FCN1: variants seen among roughly 807,000 people sequenced by gnomAD.
FCN1 encodes the protein ficolin-1.
FCN1 carries 42 observed loss-of-function variants against 35.6 expected under a neutral mutation model. The observed-to-expected ratio is 1.18, with a 90% CI of 0.92 to 1.53. The LOEUF (loss-of-function observed/expected upper bound fraction) is 1.53. Among genes scored for constraint, FCN1 ranks in the 40% most tolerant of loss-of-function variants. The pLI is 0.00. For missense variants in FCN1, 439 were observed against 428.4 expected, an observed-to-expected ratio of 1.02 and a Z score of -0.22; for synonymous variants, 179 against 169.8, an observed-to-expected ratio of 1.05 and a Z score of -0.42.
chr9:134,906,626 G>A lies in FCN1; in HGVS notation c.*3172C>T, dbSNP rs747166396. ...AAATATGCCAATACCGTGTATAAAC[G>A]CACTAAGATTTCCATGTAATATTAC... On this transcript the variant is annotated 3_prime_UTR_variant, in exon 9 of 9. Coordinates refer to ENST00000371806, the MANE Select transcript of FCN1 (RefSeq NM_002003.5). 1.3e-5 allele frequency: 2 copies of A among 152,024 alleles called. No individual in the cohort carries two copies. The highest frequency in any genetic ancestry group is 2.4e-5 in the African/African-American group (1 of 41,356). The allele number at this position is 152,024 out of a possible 1,614,324, so 9.4% of individuals were successfully genotyped here.
At chr9:134,912,670 C>T (rs1831039247) in intron 6 of FCN1, 55 bp from the exon 7 acceptor site, 1 of 1,611,236 alleles carries the variant, frequency 6.2e-7, no homozygotes, top group African/African-American at 1.3e-5. Context: ...TCCCACAGCA[C>T]CGGGGACCCG....
In FCN1 at chr9:134,909,675, A is replaced by G. The variant is rs888376734; in HGVS notation, c.*123T>C. 6.3e-7 allele frequency: 1 copy of G among 1,594,868 alleles called. No individual in the cohort carries two copies. The highest frequency in any genetic ancestry group is 8.5e-7 in the Non-Finnish European group (1 of 1,177,510). On this transcript the variant is annotated 3_prime_UTR_variant, in exon 9 of 9. Transcript: ENST00000371806. ...TGGCGGCTTGACTGAGCTGGGGGCA[A>G]AGGGGCAGCTGTGGGCGTCATGGGA...
chr9:134,909,760 C>T lies in FCN1; in HGVS notation c.*38G>A. On this transcript the variant is annotated 3_prime_UTR_variant, in exon 9 of 9. Transcript: ENST00000371806. ...GACGCAGCGCTTGTGGGTGTGGCCT[C>T]CCCACTAGCAGGTGCATGTGGAGGG... 4 of 1,608,562 alleles carry T rather than the reference C, an allele frequency of 2.5e-6. No homozygotes were observed. Among genetic ancestry groups the T allele is most frequent in the South Asian group, 1.1e-5 (1 of 90,750 alleles).
intron 7 of FCN1, 106 bp downstream of exon 7, chr9:134,912,380 C>T (rs1212662622): frequency 1.7e-5 from 21 of 1,211,356 alleles, no homozygotes; most frequent in Non-Finnish European, 2.3e-5. Context: ...TGCTCAGGGC[C>T]CAATCCCCTG....
chr9:134,915,793 C>G (rs1183485578), intron 2 of FCN1, among the ~76,000 whole-genome samples: 1 of 152,150 alleles, frequency 6.6e-6, no homozygotes, highest in Non-Finnish European at 1.5e-5. Flanking sequence ...CTTAGGGGGA[C>G]CCAAAACCAC....
Position 134,905,555 on chromosome 9 carries a change from C to T in FCN1, c.*4243G>A, listed in dbSNP as rs1830932426. The stretch of plus-strand genomic sequence containing the variant: ...CTGGAGTGCAGTGGTGCGATCTCGG[C>T]TCACTTCAACCTCTGCCTCCTGGGT... On this transcript the variant is annotated 3_prime_UTR_variant, in exon 9 of 9. Transcript: ENST00000371806. 6.6e-6 allele frequency among the ~76,000 whole-genome samples: 1 copy of T among 152,038 alleles called. No homozygotes were observed. The highest frequency in any genetic ancestry group is 2.4e-5 in the African/African-American group (1 of 41,348).
rs1831109562 is a variant in FCN1, at chr9:134,917,784, C to A, written c.88G>T (p.Ala30Ser). The change falls in exon 1 of 9, where the codon GCG (alanine) becomes TCG (serine). Residue 30 changes from alanine to serine, a missense_variant. Physicochemically the swap from Ala to Ser is moderately conservative, Grantham distance 99. Transcript: ENST00000371806. ...LHIKNLPAQA[A>S]DTCPEVKVVG... ...TCTGTCTCACCTGGACATGTGTCCG[C>A]AGCCTGGGCAGGCAGGTTCTTGATA... The A allele has an allele frequency of 4.3e-6, 7 of 1,613,554 alleles. No individual in the cohort carries two copies. The highest frequency in any genetic ancestry group is 5.1e-6 in the Non-Finnish European group (6 of 1,179,528).
Position 134,905,027 on chromosome 9 carries a change from T to C in FCN1, c.*4771A>G, listed in dbSNP as rs80096356. Among the ~76,000 whole-genome samples the C allele has an allele frequency of 3.9e-3, 601 of 152,198 alleles. 24 individuals carry two copies. In the East Asian group the frequency reaches 0.1, roughly 27 times the overall value. On this transcript the variant is annotated 3_prime_UTR_variant, in exon 9 of 9. Coordinates refer to ENST00000371806, the MANE Select transcript of FCN1 (RefSeq NM_002003.5). ...CATAAAAAGCAGAAGGGAGTGAATG[T>C]AGTTAGAGGTGTTTCAAAGTCTTCA...
In FCN1 at chr9:134,905,026, GTAGT is replaced by G. The variant is rs1264650979; in HGVS notation, c.*4768_*4771del. 1.3e-5 allele frequency among the ~76,000 whole-genome samples: 2 copies of G among 152,148 alleles called. No individual in the cohort carries two copies. Among genetic ancestry groups the G allele is most frequent in the African/African-American group, 2.4e-5 (1 of 41,440 alleles). ...GCATAAAAAGCAGAAGGGAGTGAAT[GTAGT>G]TAGAGGTGTTTCAAAGTCTTCATTG... On this transcript the variant is annotated 3_prime_UTR_variant, in exon 9 of 9. Coordinates refer to ENST00000371806, the MANE Select transcript of FCN1 (RefSeq NM_002003.5).
rs1247158825 is a variant in FCN1 at position 134,909,927 on chromosome 9, A to G, written c.852T>C (p.His284=). ...FQGAWWYADC[H]ASNLNGLYLM... is the part of the protein sequence containing the mutation. ...GGTAGAGACCATTGAGGTTTGAAGC[A>G]TGACAGTCGGCGTACCACCAGGCTC... is the stretch of plus-strand genomic sequence containing the variant. Residue 284 remains histidine (H), a synonymous_variant, in exon 9 of 9, where the codon CAT becomes CAC. Transcript: ENST00000371806. 6 of 1,614,136 alleles carry G rather than the reference A, an allele frequency of 3.7e-6. No individual in the cohort carries two copies. The highest frequency in any genetic ancestry group is 3.3e-5 in the South Asian group (3 of 91,080).
In FCN1 at chr9:134,913,083, A is replaced by T. The variant is rs1443243433; in HGVS notation, c.401T>A (p.Ile134Asn). Residue 134 changes from isoleucine to asparagine, a missense_variant, in exon 6 of 9, where the codon ATC becomes AAC. Physicochemically the swap from Ile to Asn is moderately radical, Grantham distance 149. Transcript: ENST00000371806. ...RGYFLSGWHT[I>N]YLPDCRPLTV... ...CAGGGGCCGGCAGTCGGGCAGGTAGATGGTGTGCCAGCCGCTCAGGAAATA... is the reference window on the plus strand; with the variant it reads ...CAGGGGCCGGCAGTCGGGCAGGTAGTTGGTGTGCCAGCCGCTCAGGAAATA... 6.2e-7 allele frequency: 1 copy of T among 1,613,616 alleles called. No homozygotes were observed. Among genetic ancestry groups the T allele is most frequent in the African/African-American group, 1.3e-5 (1 of 74,930 alleles).
Position 134,905,085 on chromosome 9 carries a change from A to G in FCN1, c.*4713T>C, listed in dbSNP as rs966103966. Among the ~76,000 whole-genome samples the G allele has an allele frequency of 3.3e-5, 5 of 152,222 alleles. No individual in the cohort carries two copies. Among genetic ancestry groups the G allele is most frequent in the Non-Finnish European group, 7.3e-5 (5 of 68,046 alleles). ...AGTGGTAGAAGGAATAATTTATAGTATACCGTAAAAAATCAAGGCTATATA... is the reference window on the plus strand; with the variant it reads ...AGTGGTAGAAGGAATAATTTATAGTGTACCGTAAAAAATCAAGGCTATATA... On this transcript the variant is annotated 3_prime_UTR_variant, in exon 9 of 9. Transcript: ENST00000371806.
In FCN1 at chr9:134,912,655, C is replaced by G. The variant is rs200443672; in HGVS notation, c.469-40G>C. 36 of 1,613,450 alleles carry G rather than the reference C, an allele frequency of 2.2e-5. No individual in the cohort carries two copies. The South Asian group carries it at 3.5e-4, about 16-fold the overall frequency. On this transcript the variant is annotated intron_variant, in intron 6 of 8. Transcript: ENST00000371806. ...GGATACAGAGTTAGGCGGGGCAGGCCGAGGTCCCACAGCACCGGGGACCCG... is the reference window on the plus strand; with the variant it reads ...GGATACAGAGTTAGGCGGGGCAGGCGGAGGTCCCACAGCACCGGGGACCCG...
In FCN1 at chr9:134,912,485, C is replaced by T; in HGVS notation, c.598+1G>A. 1 of 1,613,718 alleles carries T rather than the reference C, an allele frequency of 6.2e-7. No homozygotes were observed. The highest frequency in any genetic ancestry group is 8.5e-7 in the Non-Finnish European group (1 of 1,179,758). On this transcript the variant is annotated splice_donor_variant, in intron 7 of 8. Coordinates refer to ENST00000371806, the MANE Select transcript of FCN1 (RefSeq NM_002003.5). LOFTEE classifies it high-confidence loss of function. ...CCCCTGAGCCACGGCAGTGGCCCTA[C>T]CCTGGGCAGTCAGGGCGTGGATGTT...
Position 134,916,388 on chromosome 9 carries a change from G to GGCCCCGGGCA in FCN1, c.167_176dup (p.Pro60AlafsTer91), listed in dbSNP as rs766927328. 2 of 1,614,048 alleles carry GGCCCCGGGCA rather than the reference G, an allele frequency of 1.2e-6. No individual in the cohort carries two copies. The highest frequency in any genetic ancestry group is 1.3e-5 in the African/African-American group (1 of 74,928). The stretch of plus-strand genomic sequence containing the variant: ...CACCTGCCTCTCCCTTTGGCCCTGG[G>GGCCCCGGGCA]GCCCCGGGCAGCCCCGGGCAGCCTC... On this transcript the variant is annotated frameshift_variant, in exon 2 of 9. Transcript: ENST00000371806. LOFTEE classifies it high-confidence loss of function.
rs780785904 is a variant in FCN1, at chr9:134,905,610, A to G, written c.*4188T>C. ...GCCATTCTCCTGCCTCAGCTTCTCG[A>G]GTAGCTGGGACGATAGGCATCCCCC... is the stretch of plus-strand genomic sequence containing the variant. On this transcript the variant is annotated 3_prime_UTR_variant, in exon 9 of 9. Coordinates refer to ENST00000371806, the MANE Select transcript of FCN1 (RefSeq NM_002003.5). Among the ~76,000 whole-genome samples, 12 of 151,650 alleles carry G rather than the reference A, an allele frequency of 7.9e-5. No individual in the cohort carries two copies. Among genetic ancestry groups the G allele is most frequent in the Non-Finnish European group, 1.8e-4 (12 of 67,926 alleles).
chr9:134,916,420 T>C lies in FCN1; in HGVS notation c.145A>G (p.Ile49Val), dbSNP rs986755548. The change falls in exon 2 of 9, where the codon ATT becomes GTT. Residue 49 changes from isoleucine (I) to valine (V), a missense_variant. By Grantham distance (29) the Ile-to-Val change is conservative (BLOSUM62 3). Coordinates refer to ENST00000371806, the MANE Select transcript of FCN1 (RefSeq NM_002003.5). ...VGLEGSDKLT[I>V]LRGCPGLPGA... ...GGCAGCCCCGGGCAGCCTCGGAGAATGGTGAGCTTGTCAGAGCCCTCCAGG... is the reference window on the plus strand; with the variant it reads ...GGCAGCCCCGGGCAGCCTCGGAGAACGGTGAGCTTGTCAGAGCCCTCCAGG... 2 of 1,614,214 alleles carry C rather than the reference T, an allele frequency of 1.2e-6. No homozygotes were observed. The highest frequency in any genetic ancestry group is 1.7e-5 in the Admixed American group (1 of 60,030).
At chr9:134,910,792 AT>A (rs2118934859) in intron 8 of FCN1, among the ~76,000 whole-genome samples, 1 of 152,324 alleles carries the variant, frequency 6.6e-6, no homozygotes, top group Admixed American at 6.5e-5. Context: ...TTGGTAAAGA[AT>A]GTCCCACAAG....
intron 1 of FCN1, 47 bp downstream of exon 1, chr9:134,917,722 G>C (rs369342575): frequency 1.6e-6 from 2 of 1,240,120 alleles, no homozygotes; most frequent in Non-Finnish European, 2.4e-6. Context: ...TCAGTGAGTG[G>C]GGTTGTTACC....
Sources: gnomAD v4.1 joint callset for allele counts (sites outside exome capture counted in the v4.1 genomes callset) on GRCh38, gnomAD v4.1.1 for gene constraint, MANE v1.5 for transcripts, NCBI Gene and HGNC (gene_info 2026-07-23, HGNC 2026-07-21) for gene names.